PPM1B: variants seen among roughly 807,000 people sequenced by gnomAD.
The protein encoded by PPM1B is protein phosphatase 1B.
PPM1B carries 22 observed loss-of-function variants against 43.0 expected under a neutral mutation model. The ratio of observed to expected loss-of-function variants is 0.51; its 90% CI spans 0.37 to 0.73. The LOEUF (loss-of-function observed/expected upper bound fraction) is 0.73. Ranked by LOEUF, PPM1B falls within the 30% of genes least tolerant of loss-of-function variation. The pLI is 0.00. For missense variants in PPM1B, 632 were observed against 584.2 expected (o/e 1.08, Z -0.84); for synonymous variants, 217 against 197.9 (o/e 1.10, Z -0.81).
intron 2 of PPM1B, among the ~76,000 whole-genome samples, chr2:44,205,653 A>G (rs553679388): frequency 2.6e-5 from 4 of 152,218 alleles, no homozygotes; most frequent in South Asian, 2.1e-4. Flanking sequence ...AGATCATGCT[A>G]TGTTTGTTAC....
At chr2:44,188,514 G>A (rs1257712786) in intron 1 of PPM1B, among the ~76,000 whole-genome samples, 1 of 150,036 alleles carries the variant, frequency 6.7e-6, no homozygotes, top group Non-Finnish European at 1.5e-5. Flanking sequence ...ACCCATCTCA[G>A]CCTCCTGAAT....
At chr2:44,230,388 C>T in intron 5 of PPM1B, 25 bp from the exon 6 acceptor site, 2 of 1,609,296 alleles carry the variant, frequency 1.2e-6, no homozygotes, top group East Asian at 2.2e-5. Flanking sequence ...TCTACTGACA[C>T]TGGGGTCTTG....
chr2:44,232,683 A>G, downstream of PPM1B: 1 of 1,060,450 alleles, frequency 9.4e-7, no homozygotes, highest in Non-Finnish European at 1.1e-6. Flanking sequence ...TATACTCTGA[A>G]AATACATTAT....
At chr2:44,222,656 G>A (rs1014022995) in intron 5 of PPM1B, among the ~76,000 whole-genome samples, 9 of 152,082 alleles carry the variant, frequency 5.9e-5, no homozygotes, top group African/African-American at 1.9e-4. Context: ...AGGTCACAAA[G>A]CTAAATAAAT....
downstream of PPM1B, chr2:44,232,853 G>A (rs1311691000): frequency 1.0e-6 from 1 of 970,456 alleles, no homozygotes; most frequent in African/African-American, 1.8e-5. Flanking sequence ...ATTTATTATT[G>A]ATTGTTATTT....
intron 1 of PPM1B, among the ~76,000 whole-genome samples, chr2:44,180,479 G>A (rs1551315): frequency 0.79 from 119,554 of 152,232 alleles, 47,064 homozygotes; most frequent in South Asian, 0.9. Flanking sequence ...CTTGTACTTA[G>A]TAAATGTTGC....
At position 44,218,521 on chromosome 2, in the gene PPM1B, A is replaced by G. The variant is rs770013574; in HGVS notation, c.1118A>G (p.His373Arg). Residue 373 changes from histidine (H) to arginine (R), a missense_variant, in exon 5 of 6, where the codon CAT becomes CGT. This residue lies in a region of PPM1B where 392 missense variants were observed against 302.7 expected (regional missense o/e 1.29). Coordinates refer to ENST00000282412, the MANE Select transcript of PPM1B (RefSeq NM_002706.6). ...IEAVYSRLNP[H>R]RESDGASDEA... The stretch of plus-strand genomic sequence containing the variant: ...GCTGTTTATAGTAGACTGAATCCAC[A>G]TAGAGAAAGTGATGGGGTAAGTTTT... 6.3e-7 allele frequency: 1 copy of G among 1,585,368 alleles called. No individual in the cohort carries two copies. Among genetic ancestry groups the G allele is most frequent in the Non-Finnish European group, 8.5e-7 (1 of 1,169,674 alleles).
At position 44,209,234 on chromosome 2, in the gene PPM1B, G is replaced by T. The variant is rs772846399; in HGVS notation, c.871G>T (p.Val291Leu). 1.9e-6 allele frequency: 3 copies of T among 1,611,078 alleles called. No homozygotes were observed. In the East Asian group the frequency reaches 6.7e-5, roughly 36 times the overall value. The part of the protein sequence containing the change: ...HKGSRDNMSI[V>L]LVCFSNAPKV... ...GGGAAGTCGAGATAACATGAGTATT[G>T]TACTAGTTTGCTTTTCAAATGCTCC... Residue 291 changes from valine (V) to leucine (L), a missense_variant, in exon 3 of 6, where the codon GTA (valine) becomes TTA (leucine). Around this residue, in one of 3 missense-constraint regions of PPM1B, gnomAD observed 392 missense variants for 302.7 expected, o/e 1.29. Transcript: ENST00000282412.
chr2:44,183,543 A>T (rs187439768), intron 1 of PPM1B, among the ~76,000 whole-genome samples: 27 of 152,302 alleles, frequency 1.8e-4, no homozygotes, highest in African/African-American at 6.3e-4. Context: ...AGAGGAAGCC[A>T]AAAGGCCTGC....
rs192378469 is a variant in PPM1B at position 44,198,407 on chromosome 2, C to T, written c.-14-2779C>T. On this transcript the variant is annotated intron_variant, in intron 1 of 5. Transcript: ENST00000282412. ...AACTCTTTGCCTCAAGTGATCCGCCCGCCTCAGCCTCCCAAAGTGTTGGGA... is the reference window on the plus strand; with the variant it reads ...AACTCTTTGCCTCAAGTGATCCGCCTGCCTCAGCCTCCCAAAGTGTTGGGA... Among the ~76,000 whole-genome samples the T allele has an allele frequency of 3.6e-3, 551 of 152,268 alleles. 3 individuals are homozygous for T. The highest frequency in any genetic ancestry group is 0.013 in the African/African-American group (529 of 41,554).
intron 1 of PPM1B, among the ~76,000 whole-genome samples, chr2:44,181,159 G>A (rs910489075): frequency 6.6e-6 from 1 of 152,154 alleles, no homozygotes; most frequent in African/African-American, 2.4e-5. Context: ...TGCCCAAGCT[G>A]ATTGGTCTCC....
chr2:44,230,171 T>G (rs939807559), intron 5 of PPM1B: 2 of 1,430,260 alleles, frequency 1.4e-6, no homozygotes, highest in Non-Finnish European at 1.8e-6. Flanking sequence ...AGATTAAACT[T>G]TAAATGACTG....
downstream of PPM1B, chr2:44,234,112 T>C: frequency 1.0e-6 from 1 of 966,898 alleles, no homozygotes; most frequent in Non-Finnish European, 1.2e-6. Context: ...TATTTTAAAC[T>C]TCTTATATGG....
rs140240021 is a variant in PPM1B, at chr2:44,206,776, A to C, written c.847-2434A>C. Among the ~76,000 whole-genome samples the C allele has an allele frequency of 5.5e-4, 84 of 152,204 alleles. 1 individual carries two copies. The highest frequency in any genetic ancestry group is 2.0e-3 in the African/African-American group (83 of 41,534). Reference sequence around the variant, plus strand: ...GGTGTCTCACTGTGTTGCCCGGGCTAGTCTCAAACTCCTGGCCTTAAATGA... The same window carrying C: ...GGTGTCTCACTGTGTTGCCCGGGCTCGTCTCAAACTCCTGGCCTTAAATGA... On this transcript the variant is annotated intron_variant, in intron 2 of 5. Transcript: ENST00000282412.
chr2:44,178,912 G>A (rs1274911001), intron 1 of PPM1B, among the ~76,000 whole-genome samples: 2 of 152,198 alleles, frequency 1.3e-5, no homozygotes, highest in Non-Finnish European at 2.9e-5. Context: ...TTTCCAAAAT[G>A]ATTCAATATA....
At chr2:44,233,797 C>T (rs1173408407), downstream of PPM1B, 2 of 985,322 alleles carry the variant, frequency 2.0e-6, no homozygotes, top group South Asian at 4.7e-5. Flanking sequence ...ATTATTGCCA[C>T]AATATATTTT....
At chr2:44,194,283 G>T (rs1162234948) in intron 1 of PPM1B, among the ~76,000 whole-genome samples, 1 of 152,124 alleles carries the variant, frequency 6.6e-6, no homozygotes, top group African/African-American at 2.4e-5. Flanking sequence ...GCCTCGCTGT[G>T]GGATGATTGT....
chr2:44,178,173 G>A (rs1009223218), intron 1 of PPM1B, among the ~76,000 whole-genome samples: 1 of 151,794 alleles, frequency 6.6e-6, no homozygotes, highest in African/African-American at 2.4e-5. Context: ...ACCTCCTTTG[G>A]CCTCCTAAAG....
In PPM1B at chr2:44,169,241, G is replaced by A. The variant is rs562401203; in HGVS notation, c.-48G>A. 6.5e-6 allele frequency: 1 copy of A among 154,474 alleles called. No homozygotes were observed. Among genetic ancestry groups the A allele is most frequent in the African/African-American group, 2.4e-5 (1 of 41,582 alleles). The allele number at this position is 154,474 out of a possible 1,614,324, so 9.6% of individuals were successfully genotyped here. ...GAGTACCGCGGCGGGCGCGAGCGAG[G>A]CGCCCTAGACATCTTCTCCCTCCCT... On this transcript the variant is annotated 5_prime_UTR_variant, in exon 1 of 6. Coordinates refer to ENST00000282412, the MANE Select transcript of PPM1B (RefSeq NM_002706.6).
Sources: gnomAD v4.1 joint callset for allele counts (sites outside exome capture counted in the v4.1 genomes callset) on GRCh38, gnomAD v4.1.1 for gene constraint, gnomAD v4.1.1 regional missense constraint, MANE v1.5 for transcripts, NCBI Gene and HGNC (gene_info 2026-07-23, HGNC 2026-07-21) for gene names.